The following UQCC1 variants were observed in gnomAD, a reference collection of about 807,000 sequenced individuals.
The protein encoded by UQCC1 is bFGF-repressed Zic-binding protein.
A neutral mutation model predicts 48.0 loss-of-function variants in UQCC1; 38 were observed. The ratio of observed to expected loss-of-function variants is 0.79; its 90% CI spans 0.61 to 1.04. The LOEUF (loss-of-function observed/expected upper bound fraction) is 1.04. Ranked by LOEUF, UQCC1 falls within the 50% of genes least tolerant of loss-of-function variation. The probability of loss-of-function intolerance (pLI) is 0.00; values close to 1 mark genes in which losing one functional copy is unlikely to be tolerated. For missense variants in UQCC1, 368 were observed against 381.8 expected, an observed-to-expected ratio of 0.96 and a Z score of 0.30; for synonymous variants, 111 against 129.2, an observed-to-expected ratio of 0.86 and a Z score of 0.95.
intron 6 of UQCC1, among the ~76,000 whole-genome samples, chr20:35,351,978 A>G (rs555279148): frequency 6.6e-6 from 1 of 152,380 alleles, no homozygotes; most frequent in East Asian, 1.9e-4. Flanking sequence ...CCCAGCTTTT[A>G]TGGAGCAGTT....
chr20:35,410,518 C>T (rs1307706284), intron 1 of UQCC1, among the ~76,000 whole-genome samples: 4 of 145,908 alleles, frequency 2.7e-5, no homozygotes, highest in African/African-American at 7.6e-5. Context: ...GGTGACAGAG[C>T]GAGACTCCAT....
chr20:35,360,939 T>C (rs990929410), intron 6 of UQCC1, among the ~76,000 whole-genome samples: 3 of 152,108 alleles, frequency 2.0e-5, no homozygotes, highest in African/African-American at 4.8e-5. Context: ...CAGGTAACCA[T>C]AGTTAACTTC....
intron 7 of UQCC1, among the ~76,000 whole-genome samples, chr20:35,324,255 G>A (rs1323722727): frequency 6.6e-6 from 1 of 152,146 alleles, no homozygotes; most frequent in Non-Finnish European, 1.5e-5. Flanking sequence ...TCCTTTGTTT[G>A]CTTAAATTAG....
chr20:35,385,824 T>G (rs1043077013), intron 2 of UQCC1, among the ~76,000 whole-genome samples: 1 of 146,246 alleles, frequency 6.8e-6, no homozygotes, highest in Admixed American at 6.9e-5. Context: ...CTGGCTGGGA[T>G]TTTTTTTTTT....
At chr20:35,355,898 T>G (rs2061541931) in intron 6 of UQCC1, among the ~76,000 whole-genome samples, 1 of 151,950 alleles carries the variant, frequency 6.6e-6, no homozygotes, top group Admixed American at 6.6e-5. Flanking sequence ...TTTTTTTTTT[T>G]TTTGAAACAA....
intron 9 of UQCC1, among the ~76,000 whole-genome samples, chr20:35,306,066 G>A (rs777112329): frequency 2.0e-5 from 3 of 152,124 alleles, no homozygotes; most frequent in East Asian, 1.9e-4. Flanking sequence ...TTAATTCCCC[G>A]GGGCTTGAGG....
intron 2 of UQCC1, chr20:35,392,321 C>T (rs1183399161): frequency 7.7e-7 from 1 of 1,294,922 alleles, no homozygotes; most frequent in Non-Finnish European, 1.0e-6. Context: ...GTCGATACGA[C>T]AAAAGGTCCA....
intron 7 of UQCC1, among the ~76,000 whole-genome samples, chr20:35,317,231 C>A (rs1443924851): frequency 6.6e-6 from 1 of 152,266 alleles, no homozygotes; most frequent in Non-Finnish European, 1.5e-5. Context: ...AGCCACTGCG[C>A]CCGGCCCCTT....
chr20:35,343,359 T>C lies in UQCC1; in HGVS notation c.573+3805A>G, dbSNP rs920951330. Reference sequence around the variant, plus strand: ...AAGAGGAAAGATTTGCCAGTCAGGGTGAGAACCAGGCCAGACTGGCTCTAC... The same window carrying C: ...AAGAGGAAAGATTTGCCAGTCAGGGCGAGAACCAGGCCAGACTGGCTCTAC... On this transcript the variant is annotated intron_variant, in intron 7 of 9. Coordinates refer to ENST00000374385, the MANE Select transcript of UQCC1 (RefSeq NM_018244.5). Among the ~76,000 whole-genome samples the C allele has an allele frequency of 2.0e-5, 3 of 151,978 alleles. No individual in the cohort carries two copies. In the East Asian group the frequency reaches 5.8e-4, roughly 29 times the overall value.
intron 9 of UQCC1, among the ~76,000 whole-genome samples, chr20:35,304,910 A>G (rs780232993): frequency 1.3e-5 from 2 of 152,182 alleles, no homozygotes; most frequent in Middle Eastern, 3.4e-3. Context: ...CTGCCCTGCC[A>G]TCTCTTCCCT....
In UQCC1 at chr20:35,303,908, GGCGGGCCGT is replaced by G. The variant is rs1555800430; in HGVS notation, c.*18_*26del. On this transcript the variant is annotated 3_prime_UTR_variant, in exon 10 of 10. Transcript: ENST00000374385. The stretch of plus-strand genomic sequence containing the variant: ...TCCTGGAGGTTCCTCGAAGCCAGCT[GGCGGGCCGT>G]GCGGAGGGCCCAGCCCATCAAAGTC... 5 of 1,614,098 alleles carry G rather than the reference GGCGGGCCGT, an allele frequency of 3.1e-6. No homozygotes were observed. The highest frequency in any genetic ancestry group is 3.4e-6 in the Non-Finnish European group (4 of 1,179,960).
Position 35,305,653 on chromosome 20 carries a change from G to A in UQCC1, c.765+1013C>T, listed in dbSNP as rs574372040. ...GGCTCCTGGGATTCTCTACCCTGTG[G>A]GTCTGCAGAGCCCCAGTATGTGGTT... is the stretch of plus-strand genomic sequence containing the variant. On this transcript the variant is annotated intron_variant, in intron 9 of 9. Coordinates refer to ENST00000374385, the MANE Select transcript of UQCC1 (RefSeq NM_018244.5). Among the ~76,000 whole-genome samples, 3 of 152,318 alleles carry A rather than the reference G, an allele frequency of 2.0e-5. No individual in the cohort carries two copies. The South Asian group carries it at 6.2e-4, about 32-fold the overall frequency.
intron 7 of UQCC1, among the ~76,000 whole-genome samples, chr20:35,317,753 G>A (rs2061078050): frequency 6.6e-6 from 1 of 152,212 alleles, no homozygotes; most frequent in Non-Finnish European, 1.5e-5. Flanking sequence ...GCTGGTAACT[G>A]AATTTTTACA....
intron 4 of UQCC1, among the ~76,000 whole-genome samples, chr20:35,380,045 C>T (rs2061847998): frequency 6.6e-6 from 1 of 152,080 alleles, no homozygotes; most frequent in South Asian, 2.1e-4. Context: ...CTAGACAAAA[C>T]ATATGGTAGC....
chr20:35,321,271 TGTGTGTGTGTGTGC>T (rs1323815229), intron 7 of UQCC1, among the ~76,000 whole-genome samples: 2 of 150,288 alleles, frequency 1.3e-5, no homozygotes, highest in Non-Finnish European at 2.9e-5. Context: ...TGTGTGTGTG[TGTGTGTGTGTGTGC>T]GCGCGCGCGC....
intron 7 of UQCC1, among the ~76,000 whole-genome samples, chr20:35,321,283 T>TGCGCGCGC (rs60488465): frequency 2.1e-5 from 3 of 141,592 alleles, no homozygotes; most frequent in African/African-American, 8.7e-5. Context: ...TGTGTGTGTG[T>TGCGCGCGC]GCGCGCGCGC....
At chr20:35,350,186 G>A (rs886692277) in intron 6 of UQCC1, among the ~76,000 whole-genome samples, 2 of 152,096 alleles carry the variant, frequency 1.3e-5, no homozygotes, top group Non-Finnish European at 2.9e-5. Context: ...GGAGTGCAGT[G>A]ACACAATCAT....
At chr20:35,402,886 T>C (rs1427185196) in intron 1 of UQCC1, among the ~76,000 whole-genome samples, 1 of 151,424 alleles carries the variant, frequency 6.6e-6, no homozygotes, top group Non-Finnish European at 1.5e-5. Context: ...GGCAACACAG[T>C]GAAACCCCAT....
At chr20:35,385,798 G>C (rs2061934660) in intron 2 of UQCC1, among the ~76,000 whole-genome samples, 1 of 151,480 alleles carries the variant, frequency 6.6e-6, no homozygotes, top group Non-Finnish European at 1.5e-5. Context: ...GGGACTACAG[G>C]CATGAGCCTG....
Sources: gnomAD v4.1 joint callset for allele counts (sites outside exome capture counted in the v4.1 genomes callset) on GRCh38, gnomAD v4.1.1 for gene constraint, MANE v1.5 for transcripts, NCBI Gene and HGNC (gene_info 2026-07-23, HGNC 2026-07-21) for gene names.